Variants in RBFOX1 observed in about 807,000 individuals in gnomAD.
RBFOX1 encodes the protein RNA binding fox-1 homolog 1.
A neutral mutation model predicts 57.7 loss-of-function variants in RBFOX1; 8 were observed. The observed-to-expected ratio is 0.14, with a 90% CI of 0.08 to 0.25. The LOEUF is 0.25. Ranked by LOEUF, RBFOX1 falls within the 10% of genes least tolerant of loss-of-function variation. The pLI is 1.00. For synonymous variants in RBFOX1, 326 were observed against 222.4 expected, an observed-to-expected ratio of 1.47 and a Z score of -4.15; for missense variants, 611 against 548.5, an observed-to-expected ratio of 1.11 and a Z score of -1.14.
intron 1 of RBFOX1, among the ~76,000 whole-genome samples, chr16:6,029,682 A>G (rs568943126): frequency 6.6e-6 from 1 of 151,178 alleles, no homozygotes; most frequent in South Asian, 2.1e-4. Flanking sequence ...CTGAGGCAGG[A>G]GAACGGCGTG....
At chr16:7,199,285 CT>C (rs2087651201) in intron 4 of RBFOX1, among the ~76,000 whole-genome samples, 1 of 151,964 alleles carries the variant, frequency 6.6e-6, no homozygotes, top group South Asian at 2.1e-4. Context: ...CCAAAGTGCC[CT>C]TTTATGTTTA....
intron 2 of RBFOX1, among the ~76,000 whole-genome samples, chr16:5,549,467 T>G (rs536606350): frequency 2.8e-4 from 43 of 152,292 alleles, no homozygotes; most frequent in African/African-American, 9.6e-4. Flanking sequence ...TTAGGAACGC[T>G]TTGGAAGAGG....
At chr16:7,697,898 G>A (rs1342728197) in intron 14 of RBFOX1, among the ~76,000 whole-genome samples, 1 of 152,176 alleles carries the variant, frequency 6.6e-6, no homozygotes, top group African/African-American at 2.4e-5. Flanking sequence ...TTGTTCCACT[G>A]GAATTTTATT....
intron 3 of RBFOX1, among the ~76,000 whole-genome samples, chr16:7,026,814 C>T (rs1262761274): frequency 1.3e-5 from 2 of 152,192 alleles, no homozygotes; most frequent in Non-Finnish European, 2.9e-5. Context: ...AAAAAGTTTA[C>T]ACATGGCACC....
chr16:7,588,883 C>T (rs954518015), intron 7 of RBFOX1, among the ~76,000 whole-genome samples: 7 of 152,176 alleles, frequency 4.6e-5, no homozygotes, highest in African/African-American at 1.7e-4. Context: ...AGTATTTTCT[C>T]CTCCATGGCC....
chr16:7,647,210 G>A (rs970532207), intron 11 of RBFOX1, among the ~76,000 whole-genome samples: 3 of 152,184 alleles, frequency 2.0e-5, no homozygotes, highest in African/African-American at 4.8e-5. Flanking sequence ...AAATCTAGCT[G>A]AAGGGTGAGA....
At chr16:6,438,500 A>G (rs1207812290) in intron 2 of RBFOX1, among the ~76,000 whole-genome samples, 5 of 152,192 alleles carry the variant, frequency 3.3e-5, no homozygotes, top group African/African-American at 1.2e-4. Flanking sequence ...CAATTTTAGT[A>G]AAGACTTTAG....
At chr16:7,510,056 CTG>C in intron 4 of RBFOX1, 5 of 742,420 alleles carry the variant, frequency 6.7e-6, no homozygotes, top group Non-Finnish European at 8.2e-6. Flanking sequence ...GAGGAGCAAG[CTG>C]TGATTGATGG....
intron 4 of RBFOX1, among the ~76,000 whole-genome samples, chr16:7,381,036 A>G (rs1239497562): frequency 2.6e-5 from 4 of 152,254 alleles, no homozygotes; most frequent in South Asian, 4.1e-4. Flanking sequence ...TATTTTGTCT[A>G]CATGAGTGTT....
intron 4 of RBFOX1, among the ~76,000 whole-genome samples, chr16:7,492,319 A>C (rs1206846742): frequency 1.3e-5 from 2 of 152,072 alleles, no homozygotes; most frequent in African/African-American, 4.8e-5. Context: ...TGCTGAAAAA[A>C]ATGGGGGTCA....
At position 6,003,697 on chromosome 16, in the gene RBFOX1, C is replaced by T. The variant is rs141759709; in HGVS notation, c.351+136362C>T. Among the ~76,000 whole-genome samples the T allele has an allele frequency of 2.0e-5, 3 of 152,324 alleles. No homozygotes were observed. The East Asian group carries it at 5.8e-4, about 29-fold the overall frequency. On this transcript the variant is annotated intron_variant, in intron 4 of 19. Coordinates refer to the RBFOX1 transcript ENST00000641259. ...CCTCTGCTATTCCCTAGGCCTGGGGCCTTGGCCAAGTTCTTTAACATCTCT... is the reference window on the plus strand; with the variant it reads ...CCTCTGCTATTCCCTAGGCCTGGGGTCTTGGCCAAGTTCTTTAACATCTCT...
At chr16:7,620,075 G>C (rs537466997) in intron 10 of RBFOX1, among the ~76,000 whole-genome samples, 1 of 152,222 alleles carries the variant, frequency 6.6e-6, no homozygotes, top group South Asian at 2.1e-4. Context: ...ATGTTTAGTG[G>C]CCAAACACAA....
chr16:6,542,507 T>TTTTTTTTTTTTTTA (rs3066933), intron 2 of RBFOX1, among the ~76,000 whole-genome samples: 3 of 107,042 alleles, frequency 2.8e-5, no homozygotes, highest in Admixed American at 1.0e-4. Flanking sequence ...TTTTTTTTTT[T>TTTTTTTTTTTTTTA]GAGCAGGAGT....
intron 2 of RBFOX1, among the ~76,000 whole-genome samples, chr16:6,597,855 T>G (rs954832623): frequency 6.6e-6 from 1 of 152,160 alleles, no homozygotes; most frequent in Non-Finnish European, 1.5e-5. Flanking sequence ...TGTTGATCCT[T>G]GGAGCTGCCA....
intron 4 of RBFOX1, among the ~76,000 whole-genome samples, chr16:6,010,600 T>A (rs141501517): frequency 7.4e-4 from 112 of 152,292 alleles, no homozygotes; most frequent in Non-Finnish European, 1.2e-3. Context: ...AAACGGAGTG[T>A]CCGCTGATTA....
At position 6,812,178 on chromosome 16, in the gene RBFOX1, A is replaced by G. The variant is rs113104550; in HGVS notation, c.-16+157528A>G. 1.3e-3 allele frequency among the ~76,000 whole-genome samples: 195 copies of G among 152,222 alleles called. 2 individuals are homozygous for G. The highest frequency in any genetic ancestry group is 4.5e-3 in the African/African-American group (186 of 41,536). The stretch of plus-strand genomic sequence containing the variant: ...GATTTTCAAGTAAAGGCCCCATAGG[A>G]TTTTTTATTTGTCCTCCTGTTAGAA... On this transcript the variant is annotated intron_variant, in intron 3 of 15. Coordinates refer to ENST00000550418, the MANE Select transcript of RBFOX1 (RefSeq NM_018723.4).
chr16:5,882,287 G>A (rs1329326463), intron 4 of RBFOX1, among the ~76,000 whole-genome samples: 2 of 152,182 alleles, frequency 1.3e-5, no homozygotes, highest in East Asian at 3.9e-4. Context: ...CTGAGGTGCA[G>A]TCACCTTAAG....
At chr16:7,250,886 T>G (rs2094476397) in intron 4 of RBFOX1, among the ~76,000 whole-genome samples, 1 of 152,168 alleles carries the variant, frequency 6.6e-6, no homozygotes, top group African/African-American at 2.4e-5. Flanking sequence ...ACGAATTAAC[T>G]TTTTGAATTG....
chr16:5,901,189 C>T (rs1001805551), intron 4 of RBFOX1, among the ~76,000 whole-genome samples: 1 of 152,214 alleles, frequency 6.6e-6, no homozygotes, highest in Admixed American at 6.5e-5. Flanking sequence ...TTACCATTCC[C>T]TAAGGGCTGT....
Sources: gnomAD v4.1 joint callset for allele counts (sites outside exome capture counted in the v4.1 genomes callset) on GRCh38, gnomAD v4.1.1 for gene constraint, MANE v1.5 for transcripts, NCBI Gene and HGNC (gene_info 2026-07-23, HGNC 2026-07-21) for gene names.